The following PREX2 variants were observed in gnomAD, a reference collection of about 807,000 sequenced individuals.
PREX2 encodes phosphatidylinositol-3,4,5-trisphosphate dependent Rac exchange factor 2, also known as phosphatidylinositol 3,4,5-trisphosphate-dependent Rac exchanger 2 protein.
PREX2 carries 107 observed loss-of-function variants against 203.2 expected under a neutral mutation model. The ratio of observed to expected loss-of-function variants is 0.53; its 90% CI spans 0.45 to 0.62. PREX2 has a LOEUF of 0.62. Ranked by LOEUF, PREX2 falls within the 20% of genes least tolerant of loss-of-function variation. PREX2 has a pLI of 0.00. For missense variants in PREX2, 1,777 were observed against 1,955.9 expected, an observed-to-expected ratio of 0.91 and a Z score of 1.72; for synonymous variants, 672 against 663.6, an observed-to-expected ratio of 1.01 and a Z score of -0.19.
Position 67,990,000 on chromosome 8 carries a change from T to G in PREX2, c.142-27846T>G, listed in dbSNP as rs1806550507. Among the ~76,000 whole-genome samples, 3 of 152,160 alleles carry G rather than the reference T, an allele frequency of 2.0e-5. No individual in the cohort carries two copies. In the South Asian group the frequency reaches 6.2e-4, roughly 32 times the overall value. On this transcript the variant is annotated intron_variant, in intron 1 of 39. Transcript: ENST00000288368. ...GTAAACCTCTGGAGTGAATCTTTTT[T>G]TTTTCAAGACAGTCTCGCTGTGTTG...
At chr8:68,197,709 A>G (rs1812425219) in intron 37 of PREX2, among the ~76,000 whole-genome samples, 1 of 148,596 alleles carries the variant, frequency 6.7e-6, no homozygotes, top group Non-Finnish European at 1.5e-5. Context: ...TATACAATAT[A>G]TATATAATCT....
intron 5 of PREX2, among the ~76,000 whole-genome samples, chr8:68,027,980 G>A (rs566143901): frequency 1.6e-4 from 24 of 152,074 alleles, no homozygotes; most frequent in African/African-American, 5.3e-4. Flanking sequence ...AGGTCAAGAT[G>A]GCAATTTTTG....
chr8:68,002,862 T>G (rs1806983016), intron 1 of PREX2, among the ~76,000 whole-genome samples: 2 of 152,174 alleles, frequency 1.3e-5, no homozygotes, highest in Admixed American at 1.3e-4. Context: ...GTTTGCAGAC[T>G]GGTTAAATCA....
chr8:68,226,346 G>A (rs1813056409), intron 39 of PREX2, among the ~76,000 whole-genome samples: 1 of 152,148 alleles, frequency 6.6e-6, no homozygotes, highest in Admixed American at 6.5e-5. Context: ...GTAGAAAACA[G>A]GAATCACCCT....
At chr8:68,134,346 G>A in intron 32 of PREX2, 70 bp downstream of exon 32, 2 of 1,239,848 alleles carry the variant, frequency 1.6e-6, no homozygotes, top group Non-Finnish European at 2.3e-6. Context: ...TTTGAAATAA[G>A]AAGTAGTTAT....
At chr8:68,131,054 C>T (rs1404399161) in intron 31 of PREX2, among the ~76,000 whole-genome samples, 1 of 152,216 alleles carries the variant, frequency 6.6e-6, no homozygotes, top group Non-Finnish European at 1.5e-5. Context: ...TTGAGGACTG[C>T]TGAGCGGTAC....
At chr8:68,076,723 A>ACATG (rs1809361698) in intron 14 of PREX2, among the ~76,000 whole-genome samples, 1 of 146,248 alleles carries the variant, frequency 6.8e-6, no homozygotes, top group Non-Finnish European at 1.5e-5. Context: ...ACACACACAC[A>ACATG]CATGCATGTT....
intron 2 of PREX2, 137 bp downstream of exon 2, chr8:68,018,054 A>G (rs1807456116): frequency 3.1e-6 from 2 of 653,184 alleles, no homozygotes. Context: ...TTGTATTGGT[A>G]ATAATTTTAA....
intron 39 of PREX2, among the ~76,000 whole-genome samples, chr8:68,226,318 G>A (rs980809102): frequency 2.0e-5 from 3 of 152,114 alleles, no homozygotes; most frequent in Non-Finnish European, 4.4e-5. Context: ...GGTGAAGAAG[G>A]CATAATTACA....
intron 1 of PREX2, among the ~76,000 whole-genome samples, chr8:68,007,139 G>A (rs1360392673): frequency 1.3e-5 from 2 of 152,254 alleles, no homozygotes; most frequent in African/African-American, 2.4e-5. Flanking sequence ...TATTTGATTC[G>A]TGAAGTATGT....
intron 2 of PREX2, among the ~76,000 whole-genome samples, chr8:68,018,593 C>A (rs894033199): frequency 6.6e-6 from 1 of 152,170 alleles, no homozygotes; most frequent in East Asian, 1.9e-4. Flanking sequence ...TGTGGGCAAA[C>A]GTGACTTCCA....
In PREX2 at chr8:68,134,294, C is replaced by T. The variant is rs367903794; in HGVS notation, c.3984+18C>T. 4 of 1,571,756 alleles carry T rather than the reference C, an allele frequency of 2.5e-6. No individual in the cohort carries two copies. The highest frequency in any genetic ancestry group is 4.5e-5 in the East Asian group (2 of 44,672). On this transcript the variant is annotated intron_variant, in intron 32 of 39. Transcript: ENST00000288368. The stretch of plus-strand genomic sequence containing the variant: ...CAAACTTGGTAAGGAAATCACATGA[C>T]TCCCACTGTCTGTGTCAACTGTAAC...
At chr8:67,993,329 T>C (rs998339033) in intron 1 of PREX2, among the ~76,000 whole-genome samples, 2 of 152,128 alleles carry the variant, frequency 1.3e-5, no homozygotes, top group African/African-American at 4.8e-5. Context: ...TTTGTAGTTA[T>C]AATTCTAGTT....
rs1459768293 is a variant in PREX2 at position 68,234,351 on chromosome 8, A to G, written c.*2973A>G. ...AACTTCTTCCAGGTTCTGAGCATGG[A>G]CAACTCCCACCGCCCCCCAACCTAA... is the stretch of plus-strand genomic sequence containing the variant. On this transcript the variant is annotated 3_prime_UTR_variant, in exon 40 of 40. Transcript: ENST00000288368. 6 of 152,178 alleles carry G rather than the reference A, an allele frequency of 3.9e-5. No homozygotes were observed. The highest frequency in any genetic ancestry group is 2.1e-4 in the South Asian group (1 of 4,820). The allele number at this position is 152,178 out of a possible 1,614,324, so 9.4% of individuals were successfully genotyped here. A position where few individuals can be genotyped will look rare whatever the true frequency, so the allele number is the denominator to read the frequency against.
intron 20 of PREX2, among the ~76,000 whole-genome samples, chr8:68,092,721 A>G (rs1809918909): frequency 6.6e-6 from 1 of 152,240 alleles, no homozygotes; most frequent in Admixed American, 6.5e-5. Context: ...CAGTAAATGT[A>G]TTAGAATATA....
At chr8:68,146,392 A>T in intron 34 of PREX2, 40 bp downstream of exon 34, 1 of 1,493,524 alleles carries the variant, frequency 6.7e-7, no homozygotes, top group Non-Finnish European at 9.1e-7. Context: ...TACTTTAATT[A>T]TTTTATCTTT....
rs1210179061 is a variant in PREX2 at position 68,232,559 on chromosome 8, T to C, written c.*1181T>C. 1 of 152,130 alleles carries C rather than the reference T, an allele frequency of 6.6e-6. No individual in the cohort carries two copies. Among genetic ancestry groups the C allele is most frequent in the Non-Finnish European group, 1.5e-5 (1 of 68,020 alleles). The allele number at this position is 152,130 out of a possible 1,614,324, so 9.4% of individuals were successfully genotyped here. A position where few individuals can be genotyped will look rare whatever the true frequency, so the allele number is the denominator to read the frequency against. ...TCATGATTGTGATAATTATATGGGT[T>C]TACACTAATTTAGTATGTGAAATGC... On this transcript the variant is annotated 3_prime_UTR_variant, in exon 40 of 40. Transcript: ENST00000288368.
chr8:68,056,012 A>T, intron 10 of PREX2, 38 bp downstream of exon 10: 1 of 1,567,992 alleles, frequency 6.4e-7, no homozygotes, highest in Non-Finnish European at 8.7e-7. Context: ...TTTCTTTTAC[A>T]TTCTCATTGT....
intron 1 of PREX2, chr8:67,952,799 C>G: frequency 1.8e-6 from 1 of 565,706 alleles, no homozygotes; most frequent in South Asian, 1.9e-5. Flanking sequence ...GAAGAGAGCT[C>G]CAGTCCAGGG....
Sources: gnomAD v4.1 joint callset for allele counts (sites outside exome capture counted in the v4.1 genomes callset) on GRCh38, gnomAD v4.1.1 for gene constraint, MANE v1.5 for transcripts, NCBI Gene and HGNC (gene_info 2026-07-23, HGNC 2026-07-21) for gene names.